INTS7: variants seen among roughly 807,000 people sequenced by gnomAD.
The protein encoded by INTS7 is chromosome 1 open reading frame 73.
In INTS7, 46 loss-of-function variants were observed where a neutral mutation model predicts 109.2. The observed-to-expected ratio is 0.42, with a 90% CI of 0.33 to 0.54. The LOEUF is 0.54. INTS7 is among the 20% of genes least tolerant of loss of function. The pLI, the probability that INTS7 is intolerant of heterozygous loss-of-function variation, is 0.07. For missense variants in INTS7, 929 were observed against 1,132.4 expected (o/e 0.82, Z 2.58); for synonymous variants, 412 against 402.9 (o/e 1.02, Z -0.27).
chr1:212,021,437 G>T (rs911473127), intron 1 of INTS7, among the ~76,000 whole-genome samples: 1 of 151,716 alleles, frequency 6.6e-6, no homozygotes, highest in African/African-American at 2.4e-5. Flanking sequence ...TTTTTTAAAG[G>T]TAAGAGTTAA....
intron 9 of INTS7, among the ~76,000 whole-genome samples, chr1:211,982,308 T>C (rs1316853788): frequency 6.6e-6 from 1 of 152,186 alleles, no homozygotes; most frequent in Non-Finnish European, 1.5e-5. Context: ...TTTAAGTCCC[T>C]GGAGAACCTA....
intron 3 of INTS7, among the ~76,000 whole-genome samples, chr1:212,019,637 AAT>A (rs1239110874): frequency 1.3e-5 from 2 of 152,226 alleles, no homozygotes; most frequent in Admixed American, 6.5e-5. Flanking sequence ...AATTCTAACA[AAT>A]AAATTTTTTT....
chr1:211,961,157 A>G (rs920460168), intron 16 of INTS7, among the ~76,000 whole-genome samples: 2 of 152,172 alleles, frequency 1.3e-5, no homozygotes, highest in African/African-American at 4.8e-5. Flanking sequence ...CTTGGAAGAC[A>G]TATTTCAGGG....
In INTS7 at chr1:211,955,790, G is replaced by A. The variant is rs144465713; in HGVS notation, c.2184-3089C>T. On this transcript the variant is annotated intron_variant, in intron 16 of 19. Coordinates refer to ENST00000366994, the MANE Select transcript of INTS7 (RefSeq NM_015434.4). Reference sequence around the variant, plus strand: ...ACAGTTTATGCATACGTGGCTCACTGAGATGACATACATTCACAGAGCTAG... The same window carrying A: ...ACAGTTTATGCATACGTGGCTCACTAAGATGACATACATTCACAGAGCTAG... Among the ~76,000 whole-genome samples, 466 of 152,286 alleles carry A rather than the reference G, an allele frequency of 3.1e-3. 4 individuals carry two copies. The highest frequency in any genetic ancestry group is 2.7e-3 in the Admixed American group (42 of 15,302).
chr1:211,971,200 T>C (rs188582206), intron 13 of INTS7, among the ~76,000 whole-genome samples: 3,143 of 144,668 alleles, frequency 0.022, 119 homozygotes, highest in African/African-American at 0.077. Context: ...TAAATACCAG[T>C]AACAACTGGG....
intron 16 of INTS7, among the ~76,000 whole-genome samples, chr1:211,956,152 T>G (rs1278709506): frequency 6.6e-6 from 1 of 152,232 alleles, no homozygotes; most frequent in Non-Finnish European, 1.5e-5. Context: ...GCACAATCTG[T>G]TGAAAAGACT....
chr1:211,968,016 G>T, intron 14 of INTS7, 35 bp from the exon 15 acceptor site: 1 of 1,155,240 alleles, frequency 8.7e-7, no homozygotes, highest in Non-Finnish European at 1.2e-6. Flanking sequence ...AAACAAACAT[G>T]CTATCATTAT....
intron 16 of INTS7, among the ~76,000 whole-genome samples, chr1:211,961,821 G>C (rs549250103): frequency 4.9e-4 from 74 of 152,230 alleles, no homozygotes; most frequent in African/African-American, 1.6e-3. Context: ...ATCTTTTTCA[G>C]ACAAGCAAAT....
rs1423859848 is a variant in INTS7, at chr1:212,035,450, T to G, written c.-13A>C. On this transcript the variant is annotated 5_prime_UTR_variant, in exon 1 of 20. Transcript: ENST00000366994. ...AGTTTGACGCCATGACCCGAATAGT[T>G]ACTCGACTAGCCTAGTCAGAAAGCT... 1 of 1,586,634 alleles carries G rather than the reference T, an allele frequency of 6.3e-7. No individual in the cohort carries two copies. Among genetic ancestry groups the G allele is most frequent in the Admixed American group, 1.7e-5 (1 of 60,014 alleles).
At chr1:212,017,793 C>T (rs186829041) in intron 3 of INTS7, among the ~76,000 whole-genome samples, 1 of 152,242 alleles carries the variant, frequency 6.6e-6, no homozygotes, top group East Asian at 1.9e-4. Flanking sequence ...CATGTAATCA[C>T]CTAATTATTC....
chr1:211,995,112 A>G (rs932099228), intron 7 of INTS7, among the ~76,000 whole-genome samples: 2 of 152,030 alleles, frequency 1.3e-5, no homozygotes, highest in Non-Finnish European at 2.9e-5. Context: ...TTCAGCCATC[A>G]TAATTTTCAT....
intron 17 of INTS7, among the ~76,000 whole-genome samples, chr1:211,947,588 G>C (rs979920205): frequency 6.6e-6 from 1 of 152,090 alleles, no homozygotes; most frequent in African/African-American, 2.4e-5. Context: ...GTCTGTTCTT[G>C]CAGACCCGAT....
At chr1:212,015,020 G>T (rs544165598) in intron 4 of INTS7, among the ~76,000 whole-genome samples, 4 of 151,578 alleles carry the variant, frequency 2.6e-5, no homozygotes, top group African/African-American at 9.7e-5. Context: ...GAGCCCTTCC[G>T]CCTGGCAGCC....
chr1:211,982,704 A>G lies in INTS7; in HGVS notation c.1104T>C (p.Thr368=), dbSNP rs1204025360. 6.2e-7 allele frequency: 1 copy of G among 1,610,902 alleles called. No individual in the cohort carries two copies. Residue 368 remains threonine (T), a synonymous_variant, in exon 9 of 20, where the codon ACT becomes ACC. Transcript: ENST00000366994. ...GIAAHGVRVL[T]NITVSCQEKD... is the part of the protein sequence containing the mutation. ...TTTCTTGACAAGAAACAGTTATATT[A>G]GTTAGGACTCTAACTCCATGAGCTG...
chr1:212,032,578 G>A (rs774260107), intron 1 of INTS7, among the ~76,000 whole-genome samples: 10 of 151,530 alleles, frequency 6.6e-5, no homozygotes, highest in Non-Finnish European at 7.4e-5. Context: ...CCAGGTTCAC[G>A]CCATTCTCCT....
chr1:212,018,164 G>A (rs114200934), intron 3 of INTS7, among the ~76,000 whole-genome samples: 1,682 of 152,098 alleles, frequency 0.011, 30 homozygotes, highest in African/African-American at 0.038. Flanking sequence ...AATGAAAACT[G>A]GATTAGATAT....
chr1:211,962,206 A>C (rs1663661830), intron 16 of INTS7, among the ~76,000 whole-genome samples: 1 of 151,978 alleles, frequency 6.6e-6, no homozygotes, highest in Non-Finnish European at 1.5e-5. Flanking sequence ...AAATAGAAAA[A>C]AGCAGCAGTT....
At chr1:212,012,221 G>C (rs754298664) in intron 4 of INTS7, among the ~76,000 whole-genome samples, 1 of 151,992 alleles carries the variant, frequency 6.6e-6, no homozygotes, top group Non-Finnish European at 1.5e-5. Context: ...GCCACCCAGG[G>C]ACTAGCAATT....
At chr1:212,026,595 T>C (rs371916806) in intron 1 of INTS7, among the ~76,000 whole-genome samples, 9 of 152,042 alleles carry the variant, frequency 5.9e-5, no homozygotes, top group East Asian at 3.9e-4. Flanking sequence ...AAAAGCCTGA[T>C]ATGAAAAACG....
Sources: gnomAD v4.1 joint callset for allele counts (sites outside exome capture counted in the v4.1 genomes callset) on GRCh38, gnomAD v4.1.1 for gene constraint, MANE v1.5 for transcripts, NCBI Gene and HGNC (gene_info 2026-07-23, HGNC 2026-07-21) for gene names.